The following NCKAP5 variants were observed in gnomAD, a reference collection of about 807,000 sequenced individuals.
NCKAP5 encodes NCK associated protein 5, also known as nck-associated protein 5.
A neutral mutation model predicts 167.0 loss-of-function variants in NCKAP5; 92 were observed. The observed-to-expected ratio is 0.55, with a 90% CI of 0.47 to 0.66. NCKAP5 has a LOEUF of 0.66. Among genes scored for constraint, NCKAP5 ranks in the 30% least tolerant of loss-of-function variants. The pLI, the probability that NCKAP5 is intolerant of heterozygous loss-of-function variation, is 0.00. For missense variants in NCKAP5, 2,378 were observed against 2,315.0 expected, an observed-to-expected ratio of 1.03 and a Z score of -0.56; for synonymous variants, 891 against 877.4, an observed-to-expected ratio of 1.02 and a Z score of -0.27.
intron 8 of NCKAP5, among the ~76,000 whole-genome samples, chr2:132,887,352 C>CTATCT (rs1558902689): frequency 0.25 from 27,968 of 112,204 alleles, 3,096 homozygotes; most frequent in Admixed American, 0.3. Context: ...TCTATCTATC[C>CTATCT]ATCCATCCAT....
intron 8 of NCKAP5, among the ~76,000 whole-genome samples, chr2:132,924,452 A>T (rs1695692003): frequency 1.3e-5 from 2 of 152,044 alleles, no homozygotes. Flanking sequence ...CAGATAGGTC[A>T]CTCCTTTTGT....
At chr2:132,737,806 A>G (rs1372261470) in intron 16 of NCKAP5, among the ~76,000 whole-genome samples, 1 of 152,230 alleles carries the variant, frequency 6.6e-6, no homozygotes, top group East Asian at 1.9e-4. Context: ...AATAAATGTT[A>G]TTAGACTGTA....
chr2:133,580,959 G>C, the NCKAP5 span, among the ~76,000 whole-genome samples: 4 of 152,236 alleles, frequency 2.6e-5, no homozygotes, highest in South Asian at 8.3e-4. Flanking sequence ...GTGACAGCTT[G>C]TTTCTTCCCT....
intron 3 of NCKAP5, among the ~76,000 whole-genome samples, chr2:133,477,170 G>C (rs1176667832): frequency 6.6e-6 from 1 of 152,200 alleles, no homozygotes; most frequent in African/African-American, 2.4e-5. Flanking sequence ...TGTGCTACGA[G>C]ACTCTAATTT....
chr2:133,151,033 G>A lies in NCKAP5; in HGVS notation c.208-20922C>T, dbSNP rs928052528. Among the ~76,000 whole-genome samples the A allele has an allele frequency of 5.3e-5, 8 of 152,280 alleles. No homozygotes were observed. The South Asian group carries it at 1.0e-3, about 20-fold the overall frequency. On this transcript the variant is annotated intron_variant, in intron 5 of 19. Transcript: ENST00000409261. ...TCCATGTCATTAGGCGTCTACTGAA[G>A]GGGATTTGGTTTGGTGCCTAGAGAG...
chr2:133,663,909 T>C, the NCKAP5 span, among the ~76,000 whole-genome samples: 29 of 152,316 alleles, frequency 1.9e-4, no homozygotes, highest in African/African-American at 6.0e-4. Flanking sequence ...TTCTTTCCAG[T>C]AAGTTTTCAA....
chr2:133,187,807 T>A (rs910090332), intron 5 of NCKAP5, among the ~76,000 whole-genome samples: 2 of 152,026 alleles, frequency 1.3e-5, no homozygotes, highest in African/African-American at 4.8e-5. Flanking sequence ...AACACCTGCT[T>A]TTTTTTGTTT....
intron 16 of NCKAP5, among the ~76,000 whole-genome samples, chr2:132,735,956 T>A (rs968817521): frequency 2.6e-5 from 4 of 152,198 alleles, no homozygotes; most frequent in Non-Finnish European, 4.4e-5. Context: ...TTTACTTTCC[T>A]TTCAACACCC....
At chr2:132,830,364 T>C (rs956707137) in intron 11 of NCKAP5, among the ~76,000 whole-genome samples, 16 of 151,896 alleles carry the variant, frequency 1.1e-4, no homozygotes, top group Non-Finnish European at 2.1e-4. Context: ...GTGTTTCTGG[T>C]GATTATGCTC....
chr2:133,481,712 G>A (rs1680456309), intron 3 of NCKAP5, among the ~76,000 whole-genome samples: 1 of 152,084 alleles, frequency 6.6e-6, no homozygotes, highest in Admixed American at 6.6e-5. Context: ...GTGTTAGTTT[G>A]CTAAGGATAA....
intron 4 of NCKAP5, among the ~76,000 whole-genome samples, chr2:133,266,634 T>C (rs1394667752): frequency 6.6e-6 from 1 of 151,916 alleles, no homozygotes; most frequent in Non-Finnish European, 1.5e-5. Flanking sequence ...GAGCCGGGAG[T>C]TGCCAAACTT....
intron 5 of NCKAP5, among the ~76,000 whole-genome samples, chr2:133,132,518 A>ACACACACAC (rs1559173963): frequency 3.3e-4 from 37 of 110,532 alleles, no homozygotes; most frequent in African/African-American, 1.5e-3. Flanking sequence ...CACACACACA[A>ACACACACAC]ACCCTGATAA....
intron 8 of NCKAP5, among the ~76,000 whole-genome samples, chr2:132,913,391 C>T (rs1015571809): frequency 6.0e-5 from 9 of 151,234 alleles, no homozygotes; most frequent in South Asian, 4.2e-4. Context: ...TGTGTGATCT[C>T]GGGTGTGATG....
rs376557874 is a variant in NCKAP5, at chr2:132,994,168, T to C, written c.413A>G (p.Asn138Ser). 1.3e-6 allele frequency: 2 copies of C among 1,580,838 alleles called. No homozygotes were observed. Among genetic ancestry groups the C allele is most frequent in the South Asian group, 1.2e-5 (1 of 86,340 alleles). Residue 138 changes from asparagine to serine, a missense_variant, in exon 7 of 20, where the codon AAT becomes AGT. Asn to Ser is a conservative substitution (Grantham distance 46, BLOSUM62 1). Around this residue, in one of 3 missense-constraint regions of NCKAP5, gnomAD observed 1,049 missense variants for 1,023.4 expected, o/e 1.02. Coordinates refer to ENST00000409261, the MANE Select transcript of NCKAP5 (RefSeq NM_207363.3). The stretch of plus-strand genomic sequence containing the variant: ...ATGGTGTACCTGATAGACCATTATA[T>C]TAACAGTTTCTTCTTTTTTCTGCTC... ...SPEQKKEETV[N>S]IMVYQEKLSE... is the part of the protein sequence containing the mutation.
intron 16 of NCKAP5, among the ~76,000 whole-genome samples, chr2:132,755,854 A>AATAATAATAAT (rs1553491224): frequency 1.4e-5 from 2 of 143,818 alleles, no homozygotes; most frequent in African/African-American, 2.6e-5. Context: ...CTAAATGGCA[A>AATAATAATAAT]AATAATAATA....
chr2:132,684,350 G>C (rs530716862), intron 19 of NCKAP5, among the ~76,000 whole-genome samples: 6 of 152,316 alleles, frequency 3.9e-5, no homozygotes, highest in Admixed American at 6.5e-5. Flanking sequence ...GGGGATGTTT[G>C]CTTTTGATTT....
intron 11 of NCKAP5, among the ~76,000 whole-genome samples, chr2:132,813,579 T>C (rs924272628): frequency 6.6e-6 from 1 of 152,126 alleles, no homozygotes; most frequent in African/African-American, 2.4e-5. Context: ...TGATCCGTAA[T>C]TGCTAATCCT....
chr2:133,584,090 T>C, the NCKAP5 span, among the ~76,000 whole-genome samples: 1 of 152,248 alleles, frequency 6.6e-6, no homozygotes, highest in Non-Finnish European at 1.5e-5. Flanking sequence ...TTTTCATATA[T>C]TTTCCATAAT....
At chr2:132,884,028 A>G (rs1441338837) in intron 8 of NCKAP5, among the ~76,000 whole-genome samples, 1 of 152,138 alleles carries the variant, frequency 6.6e-6, no homozygotes, top group African/African-American at 2.4e-5. Flanking sequence ...GGTCATTTCA[A>G]CTCAGTCACG....
Sources: gnomAD v4.1 joint callset for allele counts (sites outside exome capture counted in the v4.1 genomes callset) on GRCh38, gnomAD v4.1.1 for gene constraint, gnomAD v4.1.1 regional missense constraint, MANE v1.5 for transcripts, NCBI Gene and HGNC (gene_info 2026-07-23, HGNC 2026-07-21) for gene names.